Variants in TPM3 observed in about 807,000 individuals in gnomAD.
TPM3 encodes tropomyosin alpha-3 chain.
A neutral mutation model predicts 43.1 loss-of-function variants in TPM3; 16 were observed. The ratio of observed to expected loss-of-function variants is 0.37; its 90% confidence interval spans 0.25 to 0.56. The LOEUF (loss-of-function observed/expected upper bound fraction) is 0.56, where lower values mean the gene tolerates loss of function less well. TPM3 is among the 20% of genes least tolerant of loss of function. TPM3 has a pLI of 0.77. For synonymous variants in TPM3, 101 were observed against 116.9 expected (o/e 0.86, Z 0.88); for missense variants, 176 against 337.2 (o/e 0.52, Z 3.74).
At chr1:154,169,259 A>G (rs767910961) in intron 9 of TPM3, 46 bp downstream of exon 9, 10 of 1,585,434 alleles carry the variant, frequency 6.3e-6, no homozygotes, top group Non-Finnish European at 7.8e-6. Context: ...ACCCCCATCC[A>G]CCCACAAGCC....
In TPM3 at chr1:154,162,359, C is replaced by G. The variant is rs1309322403; in HGVS notation, c.*5578G>C. 9.4e-6 allele frequency among the ~76,000 whole-genome samples: 1 copy of G among 106,800 alleles called. No homozygotes were observed. The highest frequency in any genetic ancestry group is 1.3e-4 in the Admixed American group (1 of 7,966). The allele number at this position is 106,800 out of a possible 152,430, so 70.1% of individuals were successfully genotyped here. A position where few individuals can be genotyped will look rare whatever the true frequency, so the allele number is the denominator to read the frequency against. ...CAGCCTGGGCAACAGAGCAAGACTC[C>G]GTCTCAAAAAAAAAAAAAAAAAAAA... On this transcript the variant is annotated 3_prime_UTR_variant, in exon 10 of 10. Transcript: ENST00000651641.
At chr1:154,157,573 G>A (rs1204328534), downstream of TPM3, 4 of 768,540 alleles carry the variant, frequency 5.2e-6, no homozygotes, top group Admixed American at 5.1e-5. Context: ...TCAGCTTCCC[G>A]CAGGCTGGCC....
At chr1:154,190,286 T>C in intron 2 of TPM3, among the ~76,000 whole-genome samples, 1 of 152,172 alleles carries the variant, frequency 6.6e-6, no homozygotes, top group East Asian at 1.9e-4. Context: ...TCCTATTAAC[T>C]CAGTTCACTG....
At chr1:154,159,071 G>C (rs1189278643), downstream of TPM3, 2 of 780,006 alleles carry the variant, frequency 2.6e-6, no homozygotes, top group East Asian at 4.8e-5. Flanking sequence ...CGGAGAGGAG[G>C]GGAACACAAG....
At chr1:154,190,245 A>C (rs911411034) in intron 2 of TPM3, among the ~76,000 whole-genome samples, 2 of 152,188 alleles carry the variant, frequency 1.3e-5, no homozygotes, top group African/African-American at 4.8e-5. Flanking sequence ...CCCAGCCCAA[A>C]TATGATTTTA....
chr1:154,175,227 A>T (rs987472698), intron 3 of TPM3, among the ~76,000 whole-genome samples: 7 of 148,300 alleles, frequency 4.7e-5, no homozygotes, highest in African/African-American at 1.7e-4. Context: ...GCTACTTGGG[A>T]GGCTGAGGCA....
rs1162399038 is a variant in TPM3 at position 154,191,608 on chromosome 1, C to G, written c.117+294G>C. 7.8e-6 allele frequency: 11 copies of G among 1,402,776 alleles called. No homozygotes were observed. The East Asian group carries it at 2.9e-4, about 37-fold the overall frequency. The allele number at this position is 1,402,776 out of a possible 1,614,324, so 86.9% of individuals were successfully genotyped here. On this transcript the variant is annotated intron_variant, in intron 1 of 9. Coordinates refer to ENST00000651641, the MANE Select transcript of TPM3 (RefSeq NM_152263.4). ...TGCTATTTGAGTGAAAAGAGATGCTCTTTCCCTCTAGAACTCTTACCTTTT... is the reference window on the plus strand; with the variant it reads ...TGCTATTTGAGTGAAAAGAGATGCTGTTTCCCTCTAGAACTCTTACCTTTT...
At chr1:154,172,639 C>G (rs1051266338) in intron 5 of TPM3, 11 of 508,520 alleles carry the variant, frequency 2.2e-5, no homozygotes, top group African/African-American at 2.1e-4. Flanking sequence ...TTCCAATTAA[C>G]TGTTCACCAT....
rs1015856331 is a variant in TPM3 at position 154,188,659 on chromosome 1, A to C, written c.243+2527T>G. ...CACTGCACTCCAGCCTGGGTGACAC[A>C]GCAAGACTCCGTCTCAAAAAAAAAA... On this transcript the variant is annotated intron_variant, in intron 2 of 9. Coordinates refer to ENST00000651641, the MANE Select transcript of TPM3 (RefSeq NM_152263.4). 2.8e-5 allele frequency among the ~76,000 whole-genome samples: 4 copies of C among 145,354 alleles called. 1 individual carries two copies. The highest frequency in any genetic ancestry group is 1.1e-4 in the African/African-American group (4 of 37,160).
Position 154,171,456 on chromosome 1 carries a change from T to G in TPM3, c.599A>C (p.Asn200Thr). 6.2e-7 allele frequency: 1 copy of G among 1,614,210 alleles called. No individual in the cohort carries two copies. Among genetic ancestry groups the G allele is most frequent in the East Asian group, 2.2e-5 (1 of 44,882 alleles). The change falls in exon 6 of 10, where the codon AAT (asparagine) becomes ACT (threonine). Residue 200 changes from asparagine (N) to threonine (T), a missense_variant. Asn to Thr is a moderately conservative substitution (Grantham distance 65). Around this residue, in one of 4 missense-constraint regions of TPM3, gnomAD observed 53 missense variants for 98.3 expected, o/e 0.54. Coordinates refer to ENST00000651641, the MANE Select transcript of TPM3 (RefSeq NM_152263.4). ...AAGAGACTTGAGGTTGTTGGTGACA[T>G]TCTTCAGCTCCTCCTCCAGCTCAGA... is the stretch of plus-strand genomic sequence containing the variant. ...KCSELEEELK[N>T]VTNNLKSLEA...
rs12401899 is a variant in TPM3, at chr1:154,164,092, G to A, written c.*3845C>T. ...CCAGATACCTGCCAGATTGTCAGCC[G>A]TATCTTCTTTCCCTTCCCCCAGCTC... On this transcript the variant is annotated 3_prime_UTR_variant, in exon 10 of 10. Transcript: ENST00000651641. 2.7e-4 allele frequency among the ~76,000 whole-genome samples: 41 copies of A among 152,114 alleles called. No individual in the cohort carries two copies. Among genetic ancestry groups the A allele is most frequent in the Admixed American group, 1.9e-3 (29 of 15,250 alleles).
At position 154,166,549 on chromosome 1, in the gene TPM3, C is replaced by T; in HGVS notation, c.*1388G>A. The T allele has an allele frequency of 9.5e-7, 1 of 1,057,260 alleles. No homozygotes were observed. The highest frequency in any genetic ancestry group is 4.6e-5 in the South Asian group (1 of 21,916). 65.5% of individuals were successfully genotyped at this position (1,057,260 alleles called of 1,614,324 possible). A position where few individuals can be genotyped will look rare whatever the true frequency, so the allele number is the denominator to read the frequency against. ...TACAGGCAAGTGCCATTGCACCCAG[C>T]TAAAAGAAAAGCAAATTTTAAATAC... On this transcript the variant is annotated 3_prime_UTR_variant, in exon 10 of 10. Coordinates refer to ENST00000651641, the MANE Select transcript of TPM3 (RefSeq NM_152263.4).
chr1:154,173,052 G>A (rs376283495), intron 4 of TPM3, 32 bp downstream of exon 4: 45 of 1,613,388 alleles, frequency 2.8e-5, no homozygotes, highest in Middle Eastern at 1.6e-4. Context: ...GTAAAAGGCC[G>A]ATACGAGAGG....
chr1:154,182,521 C>A (rs1163199632), intron 2 of TPM3, among the ~76,000 whole-genome samples: 1 of 152,210 alleles, frequency 6.6e-6, no homozygotes, highest in Non-Finnish European at 1.5e-5. Flanking sequence ...GGTTCCCACC[C>A]CAAAACCCTC....
chr1:154,163,539 G>A lies in TPM3; in HGVS notation c.*4398C>T, dbSNP rs1660606780. ...CTCTCTGTTGAAAAACCACTAGAAA[G>A]CATCCAACCCGGAACTTTTTAAAGA... On this transcript the variant is annotated 3_prime_UTR_variant, in exon 10 of 10. Coordinates refer to ENST00000651641, the MANE Select transcript of TPM3 (RefSeq NM_152263.4). Among the ~76,000 whole-genome samples the A allele has an allele frequency of 6.6e-6, 1 of 152,050 alleles. No individual in the cohort carries two copies. The highest frequency in any genetic ancestry group is 1.5e-5 in the Non-Finnish European group (1 of 68,004).
At chr1:154,172,009 G>C in intron 5 of TPM3, 1 of 1,613,322 alleles carries the variant, frequency 6.2e-7, no homozygotes, top group Non-Finnish European at 8.5e-7. Context: ...TAACCTTGCT[G>C]TGGGCTTAAT....
At chr1:154,179,775 G>C (rs1204010101) in intron 2 of TPM3, among the ~76,000 whole-genome samples, 1 of 152,030 alleles carries the variant, frequency 6.6e-6, no homozygotes, top group Admixed American at 6.6e-5. Context: ...AGTAGAGATG[G>C]GGTTTCATCA....
At chr1:154,159,114 A>G, downstream of TPM3, 1 of 772,030 alleles carries the variant, frequency 1.3e-6, no homozygotes, top group Non-Finnish European at 2.4e-6. Context: ...GAGAAAGAGA[A>G]AAAGGGAAAG....
chr1:154,191,649 G>A (rs1663685982), intron 1 of TPM3: 2 of 1,425,564 alleles, frequency 1.4e-6, no homozygotes, highest in African/African-American at 2.9e-5. Flanking sequence ...AGAAGTCAAG[G>A]GTTCTTCCAA....
Sources: allele counts gnomAD v4.1 joint callset (sites outside exome capture counted in the v4.1 genomes callset), GRCh38; gene constraint gnomAD v4.1.1; regional missense constraint gnomAD v4.1.1; transcripts MANE v1.5; gene names NCBI Gene and HGNC (gene_info 2026-07-23, HGNC 2026-07-21).